Variants in INPP4B observed in about 807,000 individuals in gnomAD.
INPP4B encodes inositol polyphosphate-4-phosphatase type II B.
INPP4B carries 55 observed loss-of-function variants against 122.5 expected under a neutral mutation model. The observed-to-expected ratio is 0.45, with a 90% confidence interval of 0.36 to 0.56. INPP4B has a LOEUF of 0.56. INPP4B is among the 20% of genes least tolerant of loss of function. The pLI is 0.00. For missense variants in INPP4B, 1,000 were observed against 1,097.7 expected (o/e 0.91, Z 1.26); for synonymous variants, 403 against 388.7 (o/e 1.04, Z -0.43).
intron 1 of INPP4B, among the ~76,000 whole-genome samples, chr4:142,826,561 T>G (rs73850573): frequency 0.021 from 3,209 of 152,036 alleles, 106 homozygotes; most frequent in African/African-American, 0.073. Context: ...CATTCAAATC[T>G]CTTAAAATTT....
chr4:142,104,148 G>C (rs1785844704), intron 23 of INPP4B, among the ~76,000 whole-genome samples: 2 of 151,974 alleles, frequency 1.3e-5, no homozygotes, highest in African/African-American at 4.8e-5. Context: ...ATTAGAGAAA[G>C]GACAGATAAT....
At chr4:142,135,521 A>T (rs1302690789) in intron 18 of INPP4B, among the ~76,000 whole-genome samples, 1 of 152,134 alleles carries the variant, frequency 6.6e-6, no homozygotes, top group Non-Finnish European at 1.5e-5. Flanking sequence ...CTGGGGCTGG[A>T]GCAGTGACCC....
intron 2 of INPP4B, among the ~76,000 whole-genome samples, chr4:142,525,922 C>T (rs1241674290): frequency 6.6e-6 from 1 of 151,916 alleles, no homozygotes; most frequent in African/African-American, 2.4e-5. Context: ...TTCTGTACAG[C>T]AAAAGAAACT....
Position 142,208,952 on chromosome 4 carries a change from CAGTG to C in INPP4B, c.907_910del (p.His303ValfsTer5), listed in dbSNP as rs1379631071. 6.2e-7 allele frequency: 1 copy of C among 1,604,848 alleles called. No individual in the cohort carries two copies. On this transcript the variant is annotated frameshift_variant, in exon 13 of 26. Coordinates refer to ENST00000262992, the MANE Select transcript of INPP4B (RefSeq NM_001101669.3). LOFTEE classifies it high-confidence loss of function. ...TTGGTACATATTCACCATTTGATCA[CAGTG>C]AGTAAGGACATTTTTTCGCAGATTG... is the stretch of plus-strand genomic sequence containing the variant.
chr4:142,614,501 A>C (rs1743272852), intron 2 of INPP4B, among the ~76,000 whole-genome samples: 1 of 152,198 alleles, frequency 6.6e-6, no homozygotes, highest in African/African-American at 2.4e-5. Context: ...TTTATGACTA[A>C]GTCCTCAAAA....
chr4:142,588,056 A>G (rs1736620019), intron 2 of INPP4B, among the ~76,000 whole-genome samples: 1 of 152,010 alleles, frequency 6.6e-6, no homozygotes, highest in Non-Finnish European at 1.5e-5. Context: ...AGGCAAAAAT[A>G]AGAAAAACGA....
chr4:142,210,578 C>G (rs1030866510), intron 12 of INPP4B, among the ~76,000 whole-genome samples: 2 of 152,066 alleles, frequency 1.3e-5, no homozygotes, highest in Non-Finnish European at 2.9e-5. Flanking sequence ...CTAAAGCAAA[C>G]AAGTAATTCC....
chr4:142,185,310 T>A (rs1430563038), intron 15 of INPP4B, among the ~76,000 whole-genome samples: 5 of 151,810 alleles, frequency 3.3e-5, no homozygotes, highest in African/African-American at 9.7e-5. Context: ...TGATTCAATA[T>A]CTCAATCTTG....
intron 25 of INPP4B, chr4:142,030,154 C>A: frequency 6.5e-7 from 1 of 1,535,082 alleles, no homozygotes. Flanking sequence ...AAGAGTAACG[C>A]CAGACTTAAA....
intron 2 of INPP4B, among the ~76,000 whole-genome samples, chr4:142,616,155 C>T (rs1240689989): frequency 6.6e-6 from 1 of 152,082 alleles, no homozygotes; most frequent in Admixed American, 6.6e-5. Context: ...CCCCCCAACC[C>T]TCACCCAATG....
chr4:142,783,588 A>C (rs985502667), intron 1 of INPP4B, among the ~76,000 whole-genome samples: 1 of 152,078 alleles, frequency 6.6e-6, no homozygotes, highest in Non-Finnish European at 1.5e-5. Flanking sequence ...TTTCACTTTT[A>C]TGTATCCCTT....
intron 2 of INPP4B, among the ~76,000 whole-genome samples, chr4:142,677,817 G>A (rs910585703): frequency 3.3e-5 from 5 of 151,986 alleles, no homozygotes; most frequent in African/African-American, 9.7e-5. Context: ...ACAGGGAGGG[G>A]AACATCATAT....
At chr4:142,719,380 G>A (rs551588914) in intron 2 of INPP4B, among the ~76,000 whole-genome samples, 3 of 151,068 alleles carry the variant, frequency 2.0e-5, no homozygotes, top group African/African-American at 7.3e-5. Context: ...CTGGAGTGTA[G>A]TGGTGTGACC....
chr4:142,219,349 T>G (rs1447729902), intron 12 of INPP4B, among the ~76,000 whole-genome samples: 1 of 152,224 alleles, frequency 6.6e-6, no homozygotes, highest in African/African-American at 2.4e-5. Flanking sequence ...ACAATAAGTA[T>G]GTCTTTTTCC....
chr4:142,412,317 T>C (rs1562043005), intron 5 of INPP4B, among the ~76,000 whole-genome samples: 1 of 152,208 alleles, frequency 6.6e-6, no homozygotes, highest in Non-Finnish European at 1.5e-5. Context: ...TATGCTTTTC[T>C]ATTTTTAATC....
At chr4:142,491,344 CA>C (rs1311980713) in intron 2 of INPP4B, among the ~76,000 whole-genome samples, 1 of 152,088 alleles carries the variant, frequency 6.6e-6, no homozygotes, top group African/African-American at 2.4e-5. Context: ...TCTGAACAAA[CA>C]TTTTTTATAC....
intron 10 of INPP4B, among the ~76,000 whole-genome samples, chr4:142,262,231 G>A (rs1219876474): frequency 2.6e-5 from 4 of 151,954 alleles, no homozygotes; most frequent in Non-Finnish European, 4.4e-5. Flanking sequence ...AGAGTCTTAT[G>A]GCTTACAGGG....
intron 2 of INPP4B, among the ~76,000 whole-genome samples, chr4:142,601,066 TAG>T (rs1190275115): frequency 6.6e-6 from 1 of 151,876 alleles, no homozygotes; most frequent in African/African-American, 2.4e-5. Context: ...TTACCAGATC[TAG>T]AGAGAGAGAG....
intron 1 of INPP4B, among the ~76,000 whole-genome samples, chr4:142,790,703 T>C (rs983173427): frequency 2.0e-5 from 3 of 152,064 alleles, no homozygotes; most frequent in Non-Finnish European, 4.4e-5. Flanking sequence ...ACTGATTAAC[T>C]ATTAAACTGC....
Sources: gnomAD v4.1 joint callset for allele counts (sites outside exome capture counted in the v4.1 genomes callset) on GRCh38, gnomAD v4.1.1 for gene constraint, MANE v1.5 for transcripts, NCBI Gene and HGNC (gene_info 2026-07-23, HGNC 2026-07-21) for gene names.